Variants in GALNT16 observed in about 807,000 individuals in gnomAD.
GALNT16 encodes polypeptide N-acetylgalactosaminyltransferase 16.
In GALNT16, 40 loss-of-function variants were observed where a neutral mutation model predicts 76.1. That is an observed-to-expected ratio of 0.53 (90% CI 0.41 to 0.68). The LOEUF (loss-of-function observed/expected upper bound fraction) is 0.68, where lower values mean the gene tolerates loss of function less well. Among genes scored for constraint, GALNT16 ranks in the 30% least tolerant of loss-of-function variants. GALNT16 has a pLI of 0.00. For synonymous variants in GALNT16, 276 were observed against 285.2 expected, an observed-to-expected ratio of 0.97 and a Z score of 0.32; for missense variants, 621 against 731.9, an observed-to-expected ratio of 0.85 and a Z score of 1.75.
At chr14:69,275,135 C>T (rs2044455659) in intron 1 of GALNT16, among the ~76,000 whole-genome samples, 1 of 152,134 alleles carries the variant, frequency 6.6e-6, no homozygotes. Flanking sequence ...ATAGCAGGTG[C>T]CATAGCTGTG....
At chr14:69,260,136 A>AAG, upstream of GALNT16, 4 of 113,992 alleles carry the variant, frequency 3.5e-5, no homozygotes, top group Non-Finnish European at 7.1e-5. Context: ...TCTCCCTATC[A>AAG]CCCCCCCGCC....
the GALNT16 span, among the ~76,000 whole-genome samples, chr14:69,375,318 A>G: frequency 6.6e-6 from 1 of 152,194 alleles, no homozygotes; most frequent in African/African-American, 2.4e-5. Flanking sequence ...GACCACATAT[A>G]GTGGTGTCTT....
intron 1 of GALNT16, among the ~76,000 whole-genome samples, chr14:69,302,755 C>A (rs1479734961): frequency 6.6e-6 from 1 of 152,056 alleles, no homozygotes; most frequent in Non-Finnish European, 1.5e-5. Flanking sequence ...ATTAGGGTTT[C>A]AGATAAAAAT....
downstream of GALNT16, chr14:69,357,919 G>A (rs1420738663): frequency 6.5e-6 from 1 of 152,876 alleles, no homozygotes; most frequent in Non-Finnish European, 1.5e-5. Context: ...CCAGAGAGGG[G>A]AAGCTGTGCA....
chr14:69,304,350 G>A (rs1017102244), intron 1 of GALNT16, among the ~76,000 whole-genome samples: 11 of 152,182 alleles, frequency 7.2e-5, no homozygotes, highest in African/African-American at 2.7e-4. Flanking sequence ...GTGAAGAGAT[G>A]GAGATTCAGA....
rs371441364 is a variant in GALNT16 at position 69,333,167 on chromosome 14, A to C, written c.861A>C (p.Ile287=). The C allele has an allele frequency of 1.7e-5, 28 of 1,604,906 alleles. No individual in the cohort carries two copies. In the East Asian group the frequency reaches 5.8e-4, roughly 33 times the overall value. Residue 287 remains isoleucine, a splice_region_variant and synonymous_variant, in exon 8 of 15, where the codon ATA becomes ATC. Coordinates refer to ENST00000448469, the MANE Select transcript of GALNT16 (RefSeq NM_001168368.2). The surrounding 1 kb of genome is among the most constrained non-coding windows in gnomAD (Gnocchi z 4.2). ...KMTRTDPTRP[I]RTPVIAGGIF... Reference sequence around the variant, plus strand: ...CCCGGACAGACCCCACCAGGCCCATAAGGTCAGAGCTGCGGTGGGCTCTGG... The same window carrying C: ...CCCGGACAGACCCCACCAGGCCCATCAGGTCAGAGCTGCGGTGGGCTCTGG...
the GALNT16 span, among the ~76,000 whole-genome samples, chr14:69,366,223 C>T: frequency 6.6e-6 from 1 of 152,154 alleles, no homozygotes; most frequent in Non-Finnish European, 1.5e-5. Context: ...GGATGCATGC[C>T]CATGGGGGTT....
the GALNT16 span, among the ~76,000 whole-genome samples, chr14:69,381,981 G>A: frequency 4.6e-5 from 7 of 152,302 alleles, no homozygotes; most frequent in East Asian, 5.8e-4. Context: ...GTGAGCCACC[G>A]CACCTGGCCT....
the GALNT16 span, among the ~76,000 whole-genome samples, chr14:69,365,024 T>A: frequency 6.6e-6 from 1 of 152,374 alleles, no homozygotes; most frequent in Non-Finnish European, 1.5e-5. Context: ...TGGCAGAGCC[T>A]GGAATCCAAC....
At chr14:69,361,963 C>T (rs1260932429), downstream of GALNT16, among the ~76,000 whole-genome samples, 2 of 152,150 alleles carry the variant, frequency 1.3e-5, no homozygotes, top group African/African-American at 4.8e-5. Context: ...GCCGAAATCA[C>T]GCCACTGCAC....
At chr14:69,339,759 G>C (rs1364443108) in intron 11 of GALNT16, 140 bp downstream of exon 11, 1 of 590,516 alleles carries the variant, frequency 1.7e-6, no homozygotes, top group Admixed American at 3.3e-5. Flanking sequence ...GGCTTCTTTG[G>C]GTCCTGGGAG....
the GALNT16 span, among the ~76,000 whole-genome samples, chr14:69,382,280 T>C: frequency 6.6e-6 from 1 of 152,234 alleles, no homozygotes; most frequent in East Asian, 1.9e-4. Context: ...ATTTAAAAAT[T>C]CTAAAATTTA....
intron 6 of GALNT16, 148 bp from the exon 7 acceptor site, chr14:69,331,316 G>T (rs1482298163): frequency 6.3e-6 from 4 of 635,412 alleles, no homozygotes; most frequent in Non-Finnish European, 1.1e-5. Context: ...CCAGGAGCCT[G>T]CCAGGGTTGA....
chr14:69,328,561 G>A lies in GALNT16; in HGVS notation c.680G>A (p.Arg227Gln), dbSNP rs752464899. 8.7e-6 allele frequency: 14 copies of A among 1,612,798 alleles called. No homozygotes were observed. Among genetic ancestry groups the A allele is most frequent in the South Asian group, 4.4e-5 (4 of 91,030 alleles). ...GAGTGGCTGCCGCCCATGCTGCAGC[G>A]GGTGAAGGAGGTGAGCCACTGTCTC... is the stretch of plus-strand genomic sequence containing the variant. ...NTEWLPPMLQ[R>Q]VKEDHTRVVS... Residue 227 changes from arginine (R) to glutamine (Q), a missense_variant, in exon 6 of 15, where the codon CGG becomes CAG. Physicochemically the swap from Arg to Gln is conservative, Grantham distance 43. Coordinates refer to ENST00000448469, the MANE Select transcript of GALNT16 (RefSeq NM_001168368.2).
chr14:69,292,993 C>G (rs1184400367), intron 1 of GALNT16, among the ~76,000 whole-genome samples: 1 of 152,214 alleles, frequency 6.6e-6, no homozygotes, highest in East Asian at 1.9e-4. Context: ...ATTGACTGAA[C>G]CTATTAATCC....
intron 1 of GALNT16, among the ~76,000 whole-genome samples, chr14:69,292,313 C>T (rs1404148408): frequency 6.6e-6 from 1 of 152,198 alleles, no homozygotes; most frequent in African/African-American, 2.4e-5. Context: ...CATGCTGGAC[C>T]ACATCTTTGT....
At chr14:69,278,826 T>C (rs146203389) in intron 1 of GALNT16, among the ~76,000 whole-genome samples, 198 of 152,290 alleles carry the variant, frequency 1.3e-3, no homozygotes, top group Admixed American at 2.0e-3. Context: ...TCAAAATAAA[T>C]TGTTGAACAA....
At chr14:69,311,690 G>T (rs148478641) in intron 1 of GALNT16, among the ~76,000 whole-genome samples, 1 of 152,026 alleles carries the variant, frequency 6.6e-6, no homozygotes, top group East Asian at 1.9e-4. Context: ...GTGCCATATC[G>T]GCCACTACTC....
At chr14:69,383,053 C>G in the GALNT16 span, among the ~76,000 whole-genome samples, 4 of 152,246 alleles carry the variant, frequency 2.6e-5, no homozygotes, top group South Asian at 8.3e-4. Flanking sequence ...TACCTCTTGT[C>G]ATTATAATAA....
Sources: gnomAD v4.1 joint callset for allele counts (sites outside exome capture counted in the v4.1 genomes callset) on GRCh38, gnomAD v4.1.1 for gene constraint, Gnocchi (gnomAD v3.1) non-coding constraint, MANE v1.5 for transcripts, NCBI Gene and HGNC (gene_info 2026-07-23, HGNC 2026-07-21) for gene names.